Variants in IL20RB observed in about 807,000 individuals in gnomAD.
The protein encoded by IL20RB is interleukin 20 receptor subunit beta.
Under a neutral mutation model 33.3 loss-of-function variants are expected in IL20RB, and 21 were observed. The observed-to-expected ratio is 0.63, with a 90% confidence interval of 0.45 to 0.91. The LOEUF (loss-of-function observed/expected upper bound fraction) is 0.91, where lower values mean the gene tolerates loss of function less well. Ranked by LOEUF, IL20RB falls within the 40% of genes least tolerant of loss-of-function variation. IL20RB has a pLI of 0.00. For missense variants in IL20RB, 345 were observed against 384.8 expected (o/e 0.90, Z 0.86); for synonymous variants, 147 against 146.8 (o/e 1.00, Z -0.01).
intron 1 of IL20RB, among the ~76,000 whole-genome samples, chr3:136,978,739 T>C (rs1941689935): frequency 6.6e-6 from 1 of 152,178 alleles, no homozygotes; most frequent in Non-Finnish European, 1.5e-5. Flanking sequence ...AGTTTATGTA[T>C]ATATTTTCCT....
At chr3:136,961,554 A>C (rs1442941180) in intron 1 of IL20RB, among the ~76,000 whole-genome samples, 1 of 151,850 alleles carries the variant, frequency 6.6e-6, no homozygotes, top group East Asian at 1.9e-4. Flanking sequence ...AAACAAGATG[A>C]GACAAGAGCA....
intron 3 of IL20RB, 47 bp from the exon 4 acceptor site, chr3:136,989,394 A>T: frequency 6.2e-7 from 1 of 1,609,608 alleles, no homozygotes; most frequent in Non-Finnish European, 8.5e-7. Context: ...CAGGGAAATC[A>T]ACCCTGTCTG....
intron 1 of IL20RB, among the ~76,000 whole-genome samples, chr3:136,963,329 T>C (rs1392963212): frequency 6.6e-6 from 1 of 152,230 alleles, no homozygotes; most frequent in Non-Finnish European, 1.5e-5. Flanking sequence ...TGCTAGATCA[T>C]ATAGTAACTA....
intron 3 of IL20RB, among the ~76,000 whole-genome samples, chr3:136,983,706 G>A (rs997363722): frequency 2.6e-5 from 4 of 152,224 alleles, no homozygotes; most frequent in Admixed American, 2.6e-4. Flanking sequence ...AAGAATAGGA[G>A]ACACCCCCGG....
intron 1 of IL20RB, among the ~76,000 whole-genome samples, chr3:136,972,140 T>G (rs1365103602): frequency 6.6e-6 from 1 of 152,258 alleles, no homozygotes; most frequent in Non-Finnish European, 1.5e-5. Context: ...TATCTTCTTT[T>G]GAGAAATGTC....
At chr3:136,970,819 A>G (rs1426178577) in intron 1 of IL20RB, among the ~76,000 whole-genome samples, 4 of 150,262 alleles carry the variant, frequency 2.7e-5, no homozygotes, top group Non-Finnish European at 5.9e-5. Flanking sequence ...CACCAGGCTA[A>G]TTTTTTGTAT....
At chr3:136,988,986 G>T (rs564564372) in intron 3 of IL20RB, among the ~76,000 whole-genome samples, 1 of 152,086 alleles carries the variant, frequency 6.6e-6, no homozygotes, top group Non-Finnish European at 1.5e-5. Context: ...GCTCACATAG[G>T]CATTTGGCAA....
chr3:136,996,255 C>T (rs578183829), intron 6 of IL20RB, among the ~76,000 whole-genome samples: 2 of 152,192 alleles, frequency 1.3e-5, no homozygotes, highest in East Asian at 1.9e-4. Context: ...TCCAACAGCT[C>T]CCCCATGTTC....
intron 6 of IL20RB, among the ~76,000 whole-genome samples, chr3:136,998,373 A>G (rs913505069): frequency 2.6e-5 from 4 of 151,348 alleles, no homozygotes; most frequent in South Asian, 2.1e-4. Context: ...ATAGTCATAT[A>G]TATTTTTAAG....
chr3:136,958,101 CTGAGTCTACCAAATGCAGACTTTCACAA>C lies in IL20RB; in HGVS notation c.-10_18del. 1 of 1,514,336 alleles carries C rather than the reference CTGAGTCTACCAAATGCAGACTTTCACAA, an allele frequency of 6.6e-7. No individual in the cohort carries two copies. The highest frequency in any genetic ancestry group is 9.2e-7 in the Non-Finnish European group (1 of 1,090,222). The allele number at this position is 1,514,336 out of a possible 1,614,324, so 93.8% of individuals were successfully genotyped here. On this transcript the variant is annotated start_lost and 5_prime_UTR_variant, in exon 1 of 7. Transcript: ENST00000329582. Reference sequence around the variant, plus strand: ...GAAAGAAACAATGTTCTAGGTCAAACTGAGTCTACCAAATGCAGACTTTCACAATGGTTCTAGAAGAAATCTGGACAAG... The same window carrying C: ...GAAAGAAACAATGTTCTAGGTCAAACTGGTTCTAGAAGAAATCTGGACAAG...
intron 1 of IL20RB, among the ~76,000 whole-genome samples, chr3:136,963,692 T>TAAA (rs1553802036): frequency 7.6e-6 from 1 of 132,318 alleles, no homozygotes; most frequent in African/African-American, 2.9e-5. Flanking sequence ...TTTTTTTTTT[T>TAAA]ATTTTTTTTT....
At chr3:136,984,187 G>A (rs1417614607) in intron 3 of IL20RB, among the ~76,000 whole-genome samples, 1 of 152,112 alleles carries the variant, frequency 6.6e-6, no homozygotes, top group African/African-American at 2.4e-5. Flanking sequence ...GACTGTTTAG[G>A]GACAAGACGC....
chr3:137,002,683 G>A (rs1273774705), intron 6 of IL20RB, among the ~76,000 whole-genome samples: 1 of 151,956 alleles, frequency 6.6e-6, no homozygotes, highest in East Asian at 1.9e-4. Flanking sequence ...TTTGTCAGAT[G>A]GGTAGATTGC....
chr3:136,961,105 A>C (rs1941205910), intron 1 of IL20RB, among the ~76,000 whole-genome samples: 1 of 152,242 alleles, frequency 6.6e-6, no homozygotes, highest in Non-Finnish European at 1.5e-5. Flanking sequence ...TTAAAGACGA[A>C]TGAGGGATTA....
At chr3:136,980,921 A>C (rs1234054029) in intron 2 of IL20RB, among the ~76,000 whole-genome samples, 1 of 152,204 alleles carries the variant, frequency 6.6e-6, no homozygotes, top group Non-Finnish European at 1.5e-5. Context: ...AGGGTGGAGG[A>C]GTCCTCACTT....
In IL20RB at chr3:137,010,292, TTG is replaced by T; in HGVS notation, c.*73_*74del. The T allele has an allele frequency of 3.8e-6, 3 of 790,334 alleles. No homozygotes were observed. Among genetic ancestry groups the T allele is most frequent in the Non-Finnish European group, 6.8e-6 (3 of 439,362 alleles). The allele number at this position is 790,334 out of a possible 1,614,324, so 49.0% of individuals were successfully genotyped here. A position where few individuals can be genotyped will look rare whatever the true frequency, so the allele number is the denominator to read the frequency against. ...GACATGGAAACCATGAGGGGACAAG[TTG>T]TGTTTCTGTTTTCCGCCACGGACAA... is the stretch of plus-strand genomic sequence containing the variant. On this transcript the variant is annotated 3_prime_UTR_variant, in exon 7 of 7. Coordinates refer to ENST00000329582, the MANE Select transcript of IL20RB (RefSeq NM_144717.4).
intron 1 of IL20RB, 36 bp downstream of exon 1, chr3:136,958,237 C>G (rs1941095856): frequency 1.5e-6 from 2 of 1,360,392 alleles, no homozygotes; most frequent in African/African-American, 2.9e-5. Flanking sequence ...ATAGTTTGGG[C>G]CTTGAATATA....
intron 6 of IL20RB, among the ~76,000 whole-genome samples, chr3:136,998,900 T>A (rs1577031451): frequency 2.0e-5 from 3 of 152,198 alleles, no homozygotes; most frequent in Admixed American, 1.3e-4. Flanking sequence ...ATGATTTTTT[T>A]AACATCATTC....
At chr3:137,004,809 C>G (rs1054979269) in intron 6 of IL20RB, among the ~76,000 whole-genome samples, 1 of 152,120 alleles carries the variant, frequency 6.6e-6, no homozygotes, top group African/African-American at 2.4e-5. Context: ...CTTCTTCTAG[C>G]TTTTGAATGT....
Sources: allele counts gnomAD v4.1 joint callset (sites outside exome capture counted in the v4.1 genomes callset), GRCh38; gene constraint gnomAD v4.1.1; transcripts MANE v1.5; gene names NCBI Gene and HGNC (gene_info 2026-07-23, HGNC 2026-07-21).